The following OTUD7B variants were observed in gnomAD, a reference collection of about 807,000 sequenced individuals.
OTUD7B encodes the protein OTU deubiquitinase 7B.
OTUD7B carries 34 observed loss-of-function variants against 82.2 expected under a neutral mutation model. The ratio of observed to expected loss-of-function variants is 0.41; its 90% CI spans 0.31 to 0.55. OTUD7B has a LOEUF of 0.55. OTUD7B is among the 20% of genes least tolerant of loss of function. The pLI, the probability that OTUD7B is intolerant of heterozygous loss-of-function variation, is 0.20. For missense variants in OTUD7B, 944 were observed against 1,062.1 expected, an observed-to-expected ratio of 0.89 and a Z score of 1.55; for synonymous variants, 398 against 402.7, an observed-to-expected ratio of 0.99 and a Z score of 0.14.
At chr1:149,985,964 T>C (rs1323651919) in intron 1 of OTUD7B, among the ~76,000 whole-genome samples, 10 of 152,122 alleles carry the variant, frequency 6.6e-5, no homozygotes, top group African/African-American at 2.2e-4. Flanking sequence ...TCTTTAAAAC[T>C]AACTTAAGTA....
At chr1:150,058,288 C>G in the OTUD7B span, among the ~76,000 whole-genome samples, 2 of 152,166 alleles carry the variant, frequency 1.3e-5, no homozygotes, top group Non-Finnish European at 2.9e-5. Flanking sequence ...GGGCCAATCA[C>G]TTGAGTCCAG....
chr1:149,977,399 T>C, intron 2 of OTUD7B, 27 bp downstream of exon 2: 1 of 1,520,828 alleles, frequency 6.6e-7, no homozygotes, highest in Non-Finnish European at 9.1e-7. Flanking sequence ...ACTTTCTCTT[T>C]TCTCATTCTC....
At chr1:149,995,302 G>T (rs1223507706) in intron 1 of OTUD7B, among the ~76,000 whole-genome samples, 1 of 151,972 alleles carries the variant, frequency 6.6e-6, no homozygotes, top group Non-Finnish European at 1.5e-5. Context: ...AACCTTGGCC[G>T]GGCGCAGTGG....
chr1:150,029,946 C>G, the OTUD7B span, among the ~76,000 whole-genome samples: 3 of 152,080 alleles, frequency 2.0e-5, no homozygotes, highest in Admixed American at 2.0e-4. Context: ...TCTAGAAGAG[C>G]CCAGGTCCCA....
At chr1:150,033,509 C>A in the OTUD7B span, among the ~76,000 whole-genome samples, 1 of 151,992 alleles carries the variant, frequency 6.6e-6, no homozygotes, top group Non-Finnish European at 1.5e-5. Flanking sequence ...CTTTATGTCA[C>A]AAAGAACTTG....
In OTUD7B at chr1:149,967,454, G is replaced by C; in HGVS notation, c.342C>G (p.Val114=). The change falls in exon 4 of 12, where the codon GTC becomes GTG. Residue 114 remains valine, a synonymous_variant. Transcript: ENST00000581312. ...SSIVSLARSH[V]SSNGGGGGSN... ...TCCCCCCACCCCCACCATTGGAGGA[G>C]ACATGGGACCGGGCCAGGGAAACAA... is the stretch of plus-strand genomic sequence containing the variant. 1 of 1,614,108 alleles carries C rather than the reference G, an allele frequency of 6.2e-7. No individual in the cohort carries two copies. The highest frequency in any genetic ancestry group is 8.5e-7 in the Non-Finnish European group (1 of 1,179,978).
At chr1:150,015,440 C>T (rs587622186), upstream of OTUD7B, among the ~76,000 whole-genome samples, 20 of 151,664 alleles carry the variant, frequency 1.3e-4, no homozygotes, top group South Asian at 4.0e-3. Flanking sequence ...ATTACAGGCA[C>T]GTGACACCAC....
chr1:150,038,435 G>C, the OTUD7B span, among the ~76,000 whole-genome samples: 1 of 152,006 alleles, frequency 6.6e-6, no homozygotes, highest in East Asian at 1.9e-4. Flanking sequence ...TGCCCAGGCT[G>C]GAGTGCTGTG....
the OTUD7B span, among the ~76,000 whole-genome samples, chr1:150,032,446 T>C: frequency 2.2e-5 from 2 of 91,448 alleles, no homozygotes; most frequent in Non-Finnish European, 3.9e-5. Flanking sequence ...TTGGGCAACA[T>C]AGCAAGAACC....
chr1:150,058,211 G>A, the OTUD7B span, among the ~76,000 whole-genome samples: 4 of 152,154 alleles, frequency 2.6e-5, no homozygotes, highest in Admixed American at 6.6e-5. Context: ...AACATCATCT[G>A]GAGCTAGTTA....
the OTUD7B span, among the ~76,000 whole-genome samples, chr1:150,056,496 A>G: frequency 6.6e-6 from 1 of 152,192 alleles, no homozygotes; most frequent in Non-Finnish European, 1.5e-5. Context: ...AATTATAGCT[A>G]GGCTAAAGAC....
At chr1:150,033,981 A>G in the OTUD7B span, among the ~76,000 whole-genome samples, 1 of 152,242 alleles carries the variant, frequency 6.6e-6, no homozygotes, top group Non-Finnish European at 1.5e-5. Flanking sequence ...CAGCCTCCCA[A>G]AGTGCTGGGA....
At chr1:150,054,230 A>G in the OTUD7B span, 1 of 439,440 alleles carries the variant, frequency 2.3e-6, no homozygotes, top group South Asian at 1.8e-5. Context: ...TGTGCTTTCA[A>G]AGCTGTTGAG....
At position 149,971,083 on chromosome 1, in the gene OTUD7B, C is replaced by T. The variant is rs374185264; in HGVS notation, c.254G>A (p.Arg85Gln). 100 of 1,608,368 alleles carry T rather than the reference C, an allele frequency of 6.2e-5. No homozygotes were observed. Among genetic ancestry groups the T allele is most frequent in the East Asian group, 2.0e-4 (9 of 44,732 alleles). Reference protein sequence around the residue: ...PTRPPRPILQRQDDIVQEKRL... With the variant: ...PTRPPRPILQQQDDIVQEKRL... ...AGTACCTTGAACGATGTCATCCTGC[C>T]GCTGGAGGATGGGTCGGGGAGGGCG... The change falls in exon 3 of 12, where the codon CGG (arginine) becomes CAG (glutamine). Residue 85 changes from arginine to glutamine, a missense_variant. Physicochemically the swap from Arg to Gln is conservative, Grantham distance 43. Transcript: ENST00000581312.
intron 2 of OTUD7B, among the ~76,000 whole-genome samples, chr1:149,975,866 C>G (rs1391302180): frequency 1.3e-5 from 2 of 151,870 alleles, no homozygotes; most frequent in Admixed American, 6.6e-5. Flanking sequence ...ACTAAAAATA[C>G]ACAAATTAGC....
At chr1:150,022,115 G>A in the OTUD7B span, among the ~76,000 whole-genome samples, 1 of 152,042 alleles carries the variant, frequency 6.6e-6, no homozygotes, top group Non-Finnish European at 1.5e-5. Flanking sequence ...ATCTCATGCT[G>A]GGCTGGGCAT....
intron 2 of OTUD7B, among the ~76,000 whole-genome samples, chr1:149,976,547 G>T (rs367810613): frequency 1.5e-4 from 21 of 144,646 alleles, no homozygotes; most frequent in African/African-American, 5.2e-4. Flanking sequence ...GGAGGAGGAG[G>T]TTGCAGTGAC....
At chr1:150,049,062 TC>T in the OTUD7B span, among the ~76,000 whole-genome samples, 11 of 152,268 alleles carry the variant, frequency 7.2e-5, no homozygotes, top group Admixed American at 7.2e-4. Flanking sequence ...GGTCTCGAAC[TC>T]CTGACCTCAA....
upstream of OTUD7B, among the ~76,000 whole-genome samples, chr1:150,013,995 T>TATATATACACACAC (rs1461049513): frequency 2.4e-5 from 3 of 127,110 alleles, no homozygotes; most frequent in Non-Finnish European, 3.4e-5. Context: ...CACACATATA[T>TATATATACACACAC]ACACACATAT....
Sources: allele counts gnomAD v4.1 joint callset (sites outside exome capture counted in the v4.1 genomes callset), GRCh38; gene constraint gnomAD v4.1.1; transcripts MANE v1.5; gene names NCBI Gene and HGNC (gene_info 2026-07-23, HGNC 2026-07-21).